The following RORA variants were observed in gnomAD, a reference collection of about 807,000 sequenced individuals.
RORA encodes the protein nuclear receptor ROR-alpha.
A neutral mutation model predicts 69.5 loss-of-function variants in RORA; 7 were observed. The observed-to-expected ratio is 0.10, with a 90% CI of 0.06 to 0.19. The LOEUF is 0.19. Ranked by LOEUF, RORA falls within the 10% of genes least tolerant of loss-of-function variation. The probability of loss-of-function intolerance (pLI) is 1.00; values close to 1 mark genes in which losing one functional copy is unlikely to be tolerated. For missense variants in RORA, 457 were observed against 663.0 expected (o/e 0.69, Z 3.41); for synonymous variants, 261 against 240.8 (o/e 1.08, Z -0.78).
intron 1 of RORA, among the ~76,000 whole-genome samples, chr15:60,955,956 A>G (rs904004178): frequency 6.6e-5 from 10 of 152,250 alleles, no homozygotes; most frequent in African/African-American, 2.4e-4. Context: ...GCAGGATGGT[A>G]TATTATTGAA....
intron 2 of RORA, among the ~76,000 whole-genome samples, chr15:60,651,338 GT>G (rs1299913473): frequency 6.6e-6 from 1 of 152,070 alleles, no homozygotes; most frequent in Non-Finnish European, 1.5e-5. Flanking sequence ...AATACCACAC[GT>G]TGCTTGCCTC....
chr15:60,918,454 C>T (rs1204974377), intron 1 of RORA, among the ~76,000 whole-genome samples: 7 of 152,158 alleles, frequency 4.6e-5, no homozygotes, highest in Admixed American at 1.3e-4. Context: ...ACCACTCACA[C>T]GGCAGGATAA....
chr15:60,837,987 C>T (rs2140399299), intron 1 of RORA, among the ~76,000 whole-genome samples: 1 of 152,202 alleles, frequency 6.6e-6, no homozygotes, highest in South Asian at 2.1e-4. Context: ...TGAGAAGGGG[C>T]TTTTAGAAAT....
At chr15:60,562,434 G>A (rs111727059) in intron 2 of RORA, among the ~76,000 whole-genome samples, 10 of 148,892 alleles carry the variant, frequency 6.7e-5, no homozygotes, top group Non-Finnish European at 1.0e-4. Context: ...GCGGGGTTGG[G>A]GGGGGGTTGC....
At chr15:61,155,936 T>C (rs187474421) in intron 1 of RORA, among the ~76,000 whole-genome samples, 1 of 152,282 alleles carries the variant, frequency 6.6e-6, no homozygotes, top group African/African-American at 2.4e-5. Context: ...CTGGACTTTG[T>C]GTTCTGGAAA....
intron 1 of RORA, among the ~76,000 whole-genome samples, chr15:60,861,533 T>A (rs1032106196): frequency 6.6e-6 from 1 of 152,160 alleles, no homozygotes; most frequent in Non-Finnish European, 1.5e-5. Context: ...GATTGACTGA[T>A]TGATTGAGAT....
chr15:60,930,743 T>C (rs1372602531), intron 1 of RORA, among the ~76,000 whole-genome samples: 2 of 152,334 alleles, frequency 1.3e-5, no homozygotes, highest in Middle Eastern at 6.8e-3. Flanking sequence ...ACCTCTGTGG[T>C]TACACTTTGT....
chr15:60,553,020 A>T (rs2067266424), intron 2 of RORA, among the ~76,000 whole-genome samples: 1 of 152,152 alleles, frequency 6.6e-6, no homozygotes, highest in Admixed American at 6.5e-5. Context: ...CTATTTCCTA[A>T]TCTCTACCAC....
In RORA at chr15:60,554,213, A is replaced by C. The variant is rs1012214462; in HGVS notation, c.197-22362T>G. ...TTAAAATGTAAGTAAAGTGAAACAC[A>C]TATAGCTATGACAGGGCCTGGGGTA... On this transcript the variant is annotated intron_variant, in intron 2 of 10. Coordinates refer to ENST00000335670, the MANE Select transcript of RORA (RefSeq NM_134261.3). Among the ~76,000 whole-genome samples, 69 of 152,324 alleles carry C rather than the reference A, an allele frequency of 4.5e-4. 1 individual carries two copies. The highest frequency in any genetic ancestry group is 9.1e-4 in the Non-Finnish European group (62 of 68,028).
At chr15:60,516,016 TA>T (rs1409280729) in intron 3 of RORA, among the ~76,000 whole-genome samples, 5 of 17,692 alleles carry the variant, frequency 2.8e-4, no homozygotes, top group African/African-American at 9.1e-4. Flanking sequence ...TATATTTATA[TA>T]TATTTATATA....
At chr15:61,091,895 C>T (rs2078713223) in intron 1 of RORA, among the ~76,000 whole-genome samples, 1 of 152,182 alleles carries the variant, frequency 6.6e-6, no homozygotes, top group South Asian at 2.1e-4. Context: ...GTCTTTTAAA[C>T]TTGTTTCTAC....
chr15:61,124,022 T>C (rs1228170863), intron 1 of RORA, among the ~76,000 whole-genome samples: 1 of 152,150 alleles, frequency 6.6e-6, no homozygotes. Flanking sequence ...AAAACATACA[T>C]GCGAACAGCC....
chr15:60,961,062 T>C (rs368207355), intron 1 of RORA, among the ~76,000 whole-genome samples: 1 of 152,192 alleles, frequency 6.6e-6, no homozygotes, highest in African/African-American at 2.4e-5. Context: ...CTTTCCCAAG[T>C]CTGACCACTC....
At chr15:60,976,069 T>A (rs1893864349) in intron 1 of RORA, among the ~76,000 whole-genome samples, 1 of 152,238 alleles carries the variant, frequency 6.6e-6, no homozygotes, top group South Asian at 2.1e-4. Context: ...GGTACTTTGC[T>A]GGAGGTGGAG....
At chr15:60,892,184 G>C (rs1481651951) in intron 1 of RORA, among the ~76,000 whole-genome samples, 1 of 152,172 alleles carries the variant, frequency 6.6e-6, no homozygotes, top group Non-Finnish European at 1.5e-5. Context: ...GGCAGATGAG[G>C]AACCTGAGGC....
At chr15:60,514,319 A>C (rs1227560276) in intron 4 of RORA, among the ~76,000 whole-genome samples, 1 of 152,154 alleles carries the variant, frequency 6.6e-6, no homozygotes, top group Admixed American at 6.5e-5. Context: ...CCGTCAGTCA[A>C]TCGACCCACC....
intron 2 of RORA, among the ~76,000 whole-genome samples, chr15:60,632,386 C>T (rs1325887909): frequency 6.6e-6 from 1 of 152,156 alleles, no homozygotes; most frequent in Non-Finnish European, 1.5e-5. Flanking sequence ...GGATTACATG[C>T]ATGAGCCACT....
chr15:61,077,178 T>C (rs1440157975), intron 1 of RORA, among the ~76,000 whole-genome samples: 1 of 147,242 alleles, frequency 6.8e-6, no homozygotes, highest in African/African-American at 2.5e-5. Context: ...TAATCGTAGA[T>C]GATACCAGGT....
intron 1 of RORA, among the ~76,000 whole-genome samples, chr15:60,892,761 A>G (rs2073825482): frequency 6.6e-6 from 1 of 152,200 alleles, no homozygotes; most frequent in African/African-American, 2.4e-5. Flanking sequence ...CTCTTTCCCT[A>G]TCTTACTGTG....
Sources: gnomAD v4.1 joint callset for allele counts (sites outside exome capture counted in the v4.1 genomes callset) on GRCh38, gnomAD v4.1.1 for gene constraint, MANE v1.5 for transcripts, NCBI Gene and HGNC (gene_info 2026-07-23, HGNC 2026-07-21) for gene names.